The following ZSCAN18 variants were observed in gnomAD, a reference collection of about 807,000 sequenced individuals.
The protein encoded by ZSCAN18 is zinc finger and SCAN domain-containing protein 18.
ZSCAN18 carries 16 observed loss-of-function variants against 31.1 expected under a neutral mutation model. That is an observed-to-expected ratio of 0.51 (90% CI 0.35 to 0.78). The LOEUF (loss-of-function observed/expected upper bound fraction) is 0.78, where lower values mean the gene tolerates loss of function less well. ZSCAN18 is among the 30% of genes least tolerant of loss of function. The pLI is 0.01. For missense variants in ZSCAN18, 731 were observed against 697.4 expected, an observed-to-expected ratio of 1.05 and a Z score of -0.54; for synonymous variants, 375 against 320.7, an observed-to-expected ratio of 1.17 and a Z score of -1.81.
At chr19:58,099,320 T>C (rs1476329584), upstream of ZSCAN18, among the ~76,000 whole-genome samples, 1 of 152,148 alleles carries the variant, frequency 6.6e-6, no homozygotes, top group East Asian at 1.9e-4. Flanking sequence ...GCTACAATTT[T>C]GCCTTCACAG....
upstream of ZSCAN18, among the ~76,000 whole-genome samples, chr19:58,099,065 T>A (rs193252696): frequency 4.5e-3 from 690 of 152,358 alleles, 1 homozygote; most frequent in Non-Finnish European, 8.0e-3. Flanking sequence ...GAGGCGCTTA[T>A]GAGGATGCCA....
In ZSCAN18 at chr19:58,084,948, A is replaced by C. The variant is rs1365482519; in HGVS notation, c.1270T>G (p.Trp424Gly). Residue 424 changes from tryptophan (W) to glycine (G), a missense_variant, in exon 7 of 7, where the codon TGG becomes GGG. Physicochemically the swap from Trp to Gly is radical, Grantham distance 184. Coordinates refer to ENST00000601144, the MANE Select transcript of ZSCAN18 (RefSeq NM_001145543.2). This position sits in a 1 kb window ranked among gnomAD's most constrained non-coding sequence, Gnocchi z 4.5. ...ACGECGEAFAWLSHLMEHHSS... is the reference protein window; with the variant it reads ...ACGECGEAFAGLSHLMEHHSS... ...TGGTGCTCCATCAGGTGCGAGAGCC[A>C]CGCGAAGGCCTCCCCGCACTCGCCG... 6.3e-7 allele frequency: 1 copy of C among 1,598,268 alleles called. No individual in the cohort carries two copies. The highest frequency in any genetic ancestry group is 2.3e-5 in the East Asian group (1 of 44,308).
At chr19:58,109,317 G>A (rs2074660518) in intron 1 of ZSCAN18, 8 of 1,231,450 alleles carry the variant, frequency 6.5e-6, no homozygotes, top group African/African-American at 1.6e-5. Context: ...GAAAGGAAAA[G>A]GGGAAAATTT....
intron 6 of ZSCAN18, 161 bp downstream of exon 6, chr19:58,086,012 GT>G: frequency 1.6e-6 from 1 of 635,172 alleles, no homozygotes; most frequent in Non-Finnish European, 2.8e-6. Context: ...GACCATGGAC[GT>G]AACTGGATTC....
intron 1 of ZSCAN18, among the ~76,000 whole-genome samples, chr19:58,104,609 T>C (rs934380167): frequency 1.3e-5 from 2 of 151,170 alleles, no homozygotes; most frequent in Non-Finnish European, 2.9e-5. Flanking sequence ...GGCTGAGGCA[T>C]GAGAATTGCT....
intron 6 of ZSCAN18, chr19:58,085,702 G>A: frequency 2.4e-6 from 1 of 424,250 alleles, no homozygotes; most frequent in Non-Finnish European, 4.2e-6. Flanking sequence ...GCCACAAGAT[G>A]CACGATGCAA....
rs985730363 is a variant in ZSCAN18, at chr19:58,098,215, C to G, written c.-161G>C. On this transcript the variant is annotated 5_prime_UTR_variant, in exon 1 of 7. Transcript: ENST00000601144. The stretch of plus-strand genomic sequence containing the variant: ...CCAGGCCGGTCCCAGCCGCCCGGAG[C>G]CCCAGTGCGCGATGGCGGCCGGCAA... 1.0e-6 allele frequency: 1 copy of G among 985,466 alleles called. No homozygotes were observed. 61.0% of individuals were successfully genotyped at this position (985,466 alleles called of 1,614,324 possible).
chr19:58,104,427 G>A (rs569492358), intron 1 of ZSCAN18, among the ~76,000 whole-genome samples: 102 of 149,638 alleles, frequency 6.8e-4, no homozygotes, highest in African/African-American at 1.7e-3. Context: ...GGCCGGGTGT[G>A]GTGGCTCATG....
At chr19:58,107,030 T>G (rs1381082274) in intron 1 of ZSCAN18, among the ~76,000 whole-genome samples, 4 of 151,798 alleles carry the variant, frequency 2.6e-5, no homozygotes, top group African/African-American at 9.7e-5. Context: ...CCCAAAGTGC[T>G]GGGATTACAG....
At chr19:58,105,995 G>A (rs2074631700) in intron 1 of ZSCAN18, among the ~76,000 whole-genome samples, 2 of 151,946 alleles carry the variant, frequency 1.3e-5, no homozygotes, top group Admixed American at 6.6e-5. Context: ...GAAAAAAAAA[G>A]GTATGTATTT....
chr19:58,106,755 TTTTTTG>T (rs1187685199), intron 1 of ZSCAN18, among the ~76,000 whole-genome samples: 14 of 53,848 alleles, frequency 2.6e-4, no homozygotes, highest in East Asian at 9.4e-4. Context: ...GACATCTGTT[TTTTTTG>T]TTTTTTTGTT....
At chr19:58,100,281 C>T (rs1314168388), upstream of ZSCAN18, among the ~76,000 whole-genome samples, 2 of 152,026 alleles carry the variant, frequency 1.3e-5, no homozygotes, top group African/African-American at 4.8e-5. Context: ...ATGGATATAA[C>T]TCAGGAACTG....
intron 1 of ZSCAN18, among the ~76,000 whole-genome samples, chr19:58,114,593 C>T (rs2074715305): frequency 6.6e-6 from 1 of 151,704 alleles, no homozygotes; most frequent in Non-Finnish European, 1.5e-5. Context: ...TATATACATA[C>T]AAAAATACAT....
intron 1 of ZSCAN18, chr19:58,107,897 G>A: frequency 9.3e-7 from 1 of 1,072,730 alleles, no homozygotes; most frequent in Non-Finnish European, 1.1e-6. Flanking sequence ...AGCTGTCCCT[G>A]AAGGCTTTGC....
chr19:58,101,035 A>G (rs536788243), upstream of ZSCAN18, among the ~76,000 whole-genome samples: 1 of 151,982 alleles, frequency 6.6e-6, no homozygotes, highest in Non-Finnish European at 1.5e-5. Context: ...CGGGTTCTCG[A>G]TTCCGTTCCA....
chr19:58,113,731 G>A (rs1351601617), intron 1 of ZSCAN18, among the ~76,000 whole-genome samples: 1 of 152,100 alleles, frequency 6.6e-6, no homozygotes, highest in African/African-American at 2.4e-5. Context: ...ATAATCCCAG[G>A]ACTTTGGAAG....
intron 1 of ZSCAN18, among the ~76,000 whole-genome samples, chr19:58,094,241 C>CAAA (rs57599558): frequency 0.018 from 2,564 of 141,542 alleles, 79 homozygotes; most frequent in African/African-American, 0.064. Context: ...ACTAAAAATA[C>CAAA]AAAAAAAAAA....
At chr19:58,100,968 T>C (rs577565970), upstream of ZSCAN18, among the ~76,000 whole-genome samples, 8 of 152,304 alleles carry the variant, frequency 5.3e-5, no homozygotes, top group South Asian at 2.1e-4. Context: ...CTTTCCTGCA[T>C]TGAATAGCTT....
chr19:58,104,490 G>T (rs1005514567), intron 1 of ZSCAN18, among the ~76,000 whole-genome samples: 4 of 151,956 alleles, frequency 2.6e-5, no homozygotes, highest in Non-Finnish European at 5.9e-5. Context: ...CCTGAGGTCA[G>T]GAGTTTGAGA....
Sources: allele counts gnomAD v4.1 joint callset (sites outside exome capture counted in the v4.1 genomes callset), GRCh38; gene constraint gnomAD v4.1.1; non-coding constraint Gnocchi (gnomAD v3.1); transcripts MANE v1.5; gene names NCBI Gene and HGNC (gene_info 2026-07-23, HGNC 2026-07-21).